Variants in JAML observed in about 807,000 individuals in gnomAD.
The protein encoded by JAML is junctional adhesion molecule-like.
A neutral mutation model predicts 39.3 loss-of-function variants in JAML; 25 were observed. The observed-to-expected ratio is 0.64, with a 90% confidence interval of 0.46 to 0.89. The LOEUF (loss-of-function observed/expected upper bound fraction) is 0.89, where lower values mean the gene tolerates loss of function less well. Ranked by LOEUF, JAML falls within the 40% of genes least tolerant of loss-of-function variation. The pLI is 0.00. For missense variants in JAML, 440 were observed against 486.9 expected (o/e 0.90, Z 0.91); for synonymous variants, 162 against 179.2 (o/e 0.90, Z 0.77).
chr11:118,201,007 G>A (rs1360800581), intron 6 of JAML: 3 of 174,260 alleles, frequency 1.7e-5, no homozygotes, highest in Admixed American at 5.6e-5. Context: ...CCACAGTGAC[G>A]ATACCAAGTA....
At chr11:118,202,865 C>T (rs1948836844) in intron 6 of JAML, 10 of 437,630 alleles carry the variant, frequency 2.3e-5, no homozygotes. Flanking sequence ...CACTTATCAA[C>T]CTCTCTCTGT....
chr11:118,216,487 C>T (rs978397621), intron 1 of JAML, among the ~76,000 whole-genome samples: 3 of 152,160 alleles, frequency 2.0e-5, no homozygotes, highest in Non-Finnish European at 4.4e-5. Context: ...ACCTCAGGTC[C>T]CACTTACACA....
intron 5 of JAML, chr11:118,204,913 T>C (rs1341368837): frequency 6.6e-6 from 1 of 152,214 alleles, no homozygotes; most frequent in African/African-American, 2.4e-5. Context: ...TTAATGGGTG[T>C]GTAGACACAA....
Position 118,196,783 on chromosome 11 carries a change from G to A in JAML, c.1044C>T (p.Ile348=), listed in dbSNP as rs766414433. 7.4e-6 allele frequency: 12 copies of A among 1,612,780 alleles called. No homozygotes were observed. The highest frequency in any genetic ancestry group is 1.7e-4 in the Middle Eastern group (1 of 6,058). ...IYSPIIVREV[I]EEEEPSEKSE... ...ATTTTTCACTTGGTTCTTCTTCCTC[G>A]ATCACCTCCCGTACAATTATTGGGG... Residue 348 remains isoleucine (I), a synonymous_variant, in exon 9 of 10, where the codon ATC becomes ATT. Transcript: ENST00000356289.
At chr11:118,197,576 T>C (rs1236353775) in intron 8 of JAML, 6 of 162,688 alleles carry the variant, frequency 3.7e-5, no homozygotes, top group Admixed American at 3.6e-4. Context: ...GGATGTATTA[T>C]AATTCTCCAT....
intron 4 of JAML, among the ~76,000 whole-genome samples, chr11:118,206,657 T>C (rs1024172854): frequency 6.6e-6 from 1 of 152,178 alleles, no homozygotes; most frequent in Non-Finnish European, 1.5e-5. Flanking sequence ...TCCTTGACTT[T>C]TCTTTCTGTT....
Position 118,194,313 on chromosome 11 carries a change from T to C in JAML, c.*12A>G, listed in dbSNP as rs774149832. 1.2e-6 allele frequency: 2 copies of C among 1,608,540 alleles called. No homozygotes were observed. The highest frequency in any genetic ancestry group is 1.1e-5 in the South Asian group (1 of 90,952). ...TCCACCGCTGCTGAGATGAAGGGAC[T>C]CTCCATTCTTCTCAAAAGGCTTGCT... On this transcript the variant is annotated 3_prime_UTR_variant, in exon 10 of 10. Transcript: ENST00000356289.
intron 1 of JAML, 88 bp from the exon 2 acceptor site, chr11:118,214,974 G>T: frequency 8.2e-7 from 1 of 1,214,668 alleles, no homozygotes; most frequent in Non-Finnish European, 1.2e-6. Context: ...ATACGGAGCA[G>T]CCTCTGTTTG....
chr11:118,200,857 A>T (rs1203953750), intron 6 of JAML: 2 of 398,434 alleles, frequency 5.0e-6, no homozygotes, highest in Non-Finnish European at 9.1e-6. Context: ...CACCTCTAGT[A>T]AAGTTTCCTT....
At chr11:118,203,268 G>T in intron 6 of JAML, 160 bp downstream of exon 6, 1 of 767,304 alleles carries the variant, frequency 1.3e-6, no homozygotes, top group Non-Finnish European at 2.3e-6. Context: ...CCACCTCTAA[G>T]GAGGCATCAT....
At chr11:118,218,877 A>C (rs1189624765) in intron 1 of JAML, among the ~76,000 whole-genome samples, 1 of 152,166 alleles carries the variant, frequency 6.6e-6, no homozygotes, top group East Asian at 1.9e-4. Context: ...TGACATTCAC[A>C]ACTTCTACAC....
At chr11:118,210,770 G>A (rs1287302266) in intron 3 of JAML, 58 bp from the exon 4 acceptor site, 2 of 1,420,336 alleles carry the variant, frequency 1.4e-6, no homozygotes, top group African/African-American at 1.4e-5. Flanking sequence ...GAGGAGCCTG[G>A]ATCCCAAAGA....
At chr11:118,207,804 A>T (rs1948949049) in intron 4 of JAML, among the ~76,000 whole-genome samples, 3 of 152,256 alleles carry the variant, frequency 2.0e-5, no homozygotes, top group Admixed American at 2.0e-4. Flanking sequence ...GACTATCTCT[A>T]ACATTGCCCT....
intron 9 of JAML, among the ~76,000 whole-genome samples, chr11:118,195,272 T>TCAGGGTGGAGTTAATGTTTCA (rs1263925247): frequency 6.6e-6 from 1 of 152,022 alleles, no homozygotes; most frequent in Non-Finnish European, 1.5e-5. Flanking sequence ...AGCTGCAACT[T>TCAGGGTGGAGTTAATGTTTCA]CAGGGTGGAG....
Position 118,203,428 on chromosome 11 carries a change from T to C in JAML, c.772A>G (p.Thr258Ala). 1 of 1,613,626 alleles carries C rather than the reference T, an allele frequency of 6.2e-7. No homozygotes were observed. Among genetic ancestry groups the C allele is most frequent in the Non-Finnish European group, 8.5e-7 (1 of 1,179,598 alleles). The change falls in exon 6 of 10, where the codon ACA becomes GCA. Residue 258 changes from threonine (T) to alanine (A), a missense_variant and splice_region_variant. Thr to Ala is a moderately conservative substitution (Grantham distance 58, BLOSUM62 0). Coordinates refer to ENST00000356289, the MANE Select transcript of JAML (RefSeq NM_001098526.2). ...VLHVSPEEPRTLVTPAALRPL... is the reference protein window; with the variant it reads ...VLHVSPEEPRALVTPAALRPL... ...TGCTCCCCAGCCAAATGTTAGATAC[T>C]TCGAGGCTCTTCCGGGCTGACATGC...
In JAML at chr11:118,203,601, C is replaced by T. The variant is rs1279638422; in HGVS notation, c.599G>A (p.Gly200Asp). 3.7e-6 allele frequency: 6 copies of T among 1,614,134 alleles called. No individual in the cohort carries two copies. Among genetic ancestry groups the T allele is most frequent in the South Asian group, 2.2e-5 (2 of 91,082 alleles). ...CAGGTTCACACGATTCTGGAAGTGG[C>T]CCCAGCTCTGGGAGTACTCCACAGA... is the stretch of plus-strand genomic sequence containing the variant. ...RMSVEYSQSWGHFQNRVNLVG... is the reference protein window; with the variant it reads ...RMSVEYSQSWDHFQNRVNLVG... The change falls in exon 6 of 10, where the codon GGC becomes GAC. Residue 200 changes from glycine (G) to aspartate (D), a missense_variant. Transcript: ENST00000356289.
intron 7 of JAML, among the ~76,000 whole-genome samples, chr11:118,198,686 A>AT (rs1441112474): frequency 6.6e-6 from 1 of 152,114 alleles, no homozygotes; most frequent in Non-Finnish European, 1.5e-5. Context: ...AAAAAAAAAA[A>AT]AAAAAATTCA....
At position 118,222,291 on chromosome 11, in the gene JAML, G is replaced by A. The variant is rs1370330752; in HGVS notation, c.-21+2650C>T. On this transcript the variant is annotated intron_variant, in intron 1 of 9. Transcript: ENST00000356289. The surrounding 1 kb of genome is among the most constrained non-coding windows in gnomAD (Gnocchi z 4.2). The stretch of plus-strand genomic sequence containing the variant: ...AAAAATTAGCTGGATGTAGTGGCAG[G>A]CACCTGTAGTCCTAGCTACTCAGGA... Among the ~76,000 whole-genome samples the A allele has an allele frequency of 6.6e-6, 1 of 152,108 alleles. No homozygotes were observed. The highest frequency in any genetic ancestry group is 1.5e-5 in the Non-Finnish European group (1 of 68,012).
chr11:118,223,880 C>T (rs1949234375), intron 1 of JAML: 1 of 152,064 alleles, frequency 6.6e-6, no homozygotes, highest in Non-Finnish European at 1.5e-5. Flanking sequence ...AAAGTTACCC[C>T]CCAAATTACA....
Sources: allele counts gnomAD v4.1 joint callset (sites outside exome capture counted in the v4.1 genomes callset), GRCh38; gene constraint gnomAD v4.1.1; non-coding constraint Gnocchi (gnomAD v3.1); transcripts MANE v1.5; gene names NCBI Gene and HGNC (gene_info 2026-07-23, HGNC 2026-07-21).